The following CERS6 variants were observed in gnomAD, a reference collection of about 807,000 sequenced individuals.
The protein encoded by CERS6 is ceramide synthase 6.
A neutral mutation model predicts 56.8 loss-of-function variants in CERS6; 26 were observed. That is an observed-to-expected ratio of 0.46 (90% confidence interval 0.34 to 0.63). The LOEUF (loss-of-function observed/expected upper bound fraction) is 0.63. Ranked by LOEUF, CERS6 falls within the 30% of genes least tolerant of loss-of-function variation. The probability of loss-of-function intolerance (pLI) is 0.01; values close to 1 mark genes in which losing one functional copy is unlikely to be tolerated. For synonymous variants in CERS6, 164 were observed against 173.3 expected (o/e 0.95, Z 0.42); for missense variants, 415 against 467.5 (o/e 0.89, Z 1.04).
chr2:168,641,183 C>T (rs368922048), intron 4 of CERS6, among the ~76,000 whole-genome samples: 10 of 152,216 alleles, frequency 6.6e-5, no homozygotes, highest in East Asian at 5.8e-4. Flanking sequence ...CCTTCCCAGC[C>T]GCCCCATTTC....
intron 3 of CERS6, among the ~76,000 whole-genome samples, chr2:168,563,414 C>A (rs1407649987): frequency 6.6e-6 from 1 of 152,162 alleles, no homozygotes; most frequent in African/African-American, 2.4e-5. Context: ...AAAATAACAT[C>A]ATTTCTTCCC....
At chr2:168,516,510 T>C (rs1228203104) in intron 1 of CERS6, among the ~76,000 whole-genome samples, 12 of 152,168 alleles carry the variant, frequency 7.9e-5, no homozygotes. Flanking sequence ...CATACGACTT[T>C]GAAATCAAGT....
intron 3 of CERS6, among the ~76,000 whole-genome samples, chr2:168,628,206 A>G (rs1380859900): frequency 6.6e-6 from 1 of 152,046 alleles, no homozygotes; most frequent in Non-Finnish European, 1.5e-5. Context: ...ATTTATTACT[A>G]CTTAGTAGAC....
intron 4 of CERS6, among the ~76,000 whole-genome samples, chr2:168,633,216 C>T (rs1004466912): frequency 6.7e-6 from 1 of 148,864 alleles, no homozygotes; most frequent in African/African-American, 2.5e-5. Flanking sequence ...AGACACTGTT[C>T]TTCTTGTTGA....
intron 6 of CERS6, among the ~76,000 whole-genome samples, chr2:168,711,045 C>A (rs1455886446): frequency 6.6e-6 from 1 of 152,164 alleles, no homozygotes; most frequent in Non-Finnish European, 1.5e-5. Context: ...TAAGAGAAAT[C>A]GTTGCACTTC....
chr2:168,510,616 T>G (rs983284687), intron 1 of CERS6, among the ~76,000 whole-genome samples: 2 of 152,224 alleles, frequency 1.3e-5, no homozygotes, highest in African/African-American at 4.8e-5. Context: ...TGTGACTGTG[T>G]TGTCATCAAT....
chr2:168,665,621 G>A (rs1004275870), intron 4 of CERS6, among the ~76,000 whole-genome samples: 1 of 151,940 alleles, frequency 6.6e-6, no homozygotes, highest in African/African-American at 2.4e-5. Flanking sequence ...CTCTCTTACT[G>A]TATTTATCTG....
At chr2:168,669,061 A>G (rs945124222) in intron 4 of CERS6, among the ~76,000 whole-genome samples, 2 of 152,188 alleles carry the variant, frequency 1.3e-5, no homozygotes, top group South Asian at 2.1e-4. Context: ...CTAACAGTCA[A>G]TCAGTCATAG....
chr2:168,718,993 C>T (rs956710567), intron 8 of CERS6, among the ~76,000 whole-genome samples: 1 of 152,212 alleles, frequency 6.6e-6, no homozygotes, highest in African/African-American at 2.4e-5. Flanking sequence ...GATTAGCCAT[C>T]TACAACAGTA....
chr2:168,530,310 A>G (rs137968074), intron 1 of CERS6, among the ~76,000 whole-genome samples: 55 of 152,338 alleles, frequency 3.6e-4, no homozygotes, highest in African/African-American at 9.6e-4. Context: ...GGCAGACAGT[A>G]TCATTCTCCA....
rs1299504493 is a variant in CERS6 at position 168,573,995 on chromosome 2, A to G, written c.407+12673A>G. Among the ~76,000 whole-genome samples, 5 of 152,350 alleles carry G rather than the reference A, an allele frequency of 3.3e-5. No homozygotes were observed. The East Asian group carries it at 9.6e-4, about 29-fold the overall frequency. Reference sequence around the variant, plus strand: ...TGATAGGTCCAAACAGATCTCCAGAAGTAGCCAAATGCAGAATTTCTTCTA... The same window carrying G: ...TGATAGGTCCAAACAGATCTCCAGAGGTAGCCAAATGCAGAATTTCTTCTA... On this transcript the variant is annotated intron_variant, in intron 3 of 9. Coordinates refer to ENST00000305747, the MANE Select transcript of CERS6 (RefSeq NM_203463.3).
At chr2:168,686,126 C>T (rs1283284359) in intron 4 of CERS6, among the ~76,000 whole-genome samples, 2 of 147,692 alleles carry the variant, frequency 1.4e-5, no homozygotes, top group African/African-American at 5.0e-5. Context: ...GTTCTGGAGG[C>T]TGGAAGTTGC....
intron 3 of CERS6, among the ~76,000 whole-genome samples, chr2:168,567,020 A>G (rs934351898): frequency 6.6e-6 from 1 of 152,202 alleles, no homozygotes; most frequent in African/African-American, 2.4e-5. Flanking sequence ...GAGAAATGGC[A>G]TCTTTGTTTT....
intron 1 of CERS6, among the ~76,000 whole-genome samples, chr2:168,543,537 G>A (rs1458812365): frequency 6.6e-6 from 1 of 152,092 alleles, no homozygotes; most frequent in East Asian, 1.9e-4. Context: ...TAGTAGTTGT[G>A]TCATGGATCT....
chr2:168,493,308 C>G (rs1480709798), intron 1 of CERS6, among the ~76,000 whole-genome samples: 2 of 152,118 alleles, frequency 1.3e-5, no homozygotes, highest in African/African-American at 4.8e-5. Flanking sequence ...GTGAAAACAC[C>G]TAACAGGCTC....
chr2:168,580,456 A>G (rs1056221020), intron 3 of CERS6, among the ~76,000 whole-genome samples: 3 of 152,160 alleles, frequency 2.0e-5, no homozygotes, highest in African/African-American at 4.8e-5. Flanking sequence ...TAGAAAATCC[A>G]AGGTGTTTAG....
chr2:168,693,933 T>C lies in CERS6; in HGVS notation c.517-1026T>C, dbSNP rs574877927. Among the ~76,000 whole-genome samples the C allele has an allele frequency of 2.0e-5, 3 of 152,310 alleles. No homozygotes were observed. In the East Asian group the frequency reaches 5.8e-4, roughly 29 times the overall value. On this transcript the variant is annotated intron_variant, in intron 5 of 9. Coordinates refer to ENST00000305747, the MANE Select transcript of CERS6 (RefSeq NM_203463.3). ...TCAAAGATCTATGCAGGACAACTTT[T>C]CCATGATTCCCATGCGTAGAGTGGG...
chr2:168,678,267 G>A lies in CERS6; in HGVS notation c.466-12767G>A, dbSNP rs532307836. Among the ~76,000 whole-genome samples the A allele has an allele frequency of 3.9e-5, 6 of 152,276 alleles. No individual in the cohort carries two copies. In the South Asian group the frequency reaches 1.2e-3, roughly 32 times the overall value. On this transcript the variant is annotated intron_variant, in intron 4 of 9. Transcript: ENST00000305747. ...ATTCAGGGACCCTCAAAAATCTGCA[G>A]ATGGCCCTTCGCGAATCGCTGCCTG...
chr2:168,504,888 G>A (rs113341715), intron 1 of CERS6, among the ~76,000 whole-genome samples: 30 of 152,262 alleles, frequency 2.0e-4, no homozygotes, highest in African/African-American at 7.2e-4. Context: ...TAAATGTATG[G>A]TAATAGGTGG....
Sources: gnomAD v4.1 joint callset for allele counts (sites outside exome capture counted in the v4.1 genomes callset) on GRCh38, gnomAD v4.1.1 for gene constraint, MANE v1.5 for transcripts, NCBI Gene and HGNC (gene_info 2026-07-23, HGNC 2026-07-21) for gene names.